Variants in ZCCHC7 observed in about 807,000 individuals in gnomAD.
The protein encoded by ZCCHC7 is zinc finger CCHC domain-containing protein 7.
ZCCHC7 carries 35 observed loss-of-function variants against 52.0 expected under a neutral mutation model. That is an observed-to-expected ratio of 0.67 (90% CI 0.51 to 0.89). The LOEUF (loss-of-function observed/expected upper bound fraction) is 0.89. Among genes scored for constraint, ZCCHC7 ranks in the 40% least tolerant of loss-of-function variants. The pLI is 0.00. For synonymous variants in ZCCHC7, 217 were observed against 221.5 expected, an observed-to-expected ratio of 0.98 and a Z score of 0.18; for missense variants, 574 against 649.1, an observed-to-expected ratio of 0.88 and a Z score of 1.26.
chr9:37,233,720 T>A (rs1267582740), intron 2 of ZCCHC7, among the ~76,000 whole-genome samples: 1 of 152,072 alleles, frequency 6.6e-6, no homozygotes, highest in Non-Finnish European at 1.5e-5. Flanking sequence ...TGGCAGAGAA[T>A]GGCACTACAT....
At chr9:37,266,827 T>C (rs1004653125) in intron 2 of ZCCHC7, among the ~76,000 whole-genome samples, 3 of 152,120 alleles carry the variant, frequency 2.0e-5, no homozygotes, top group African/African-American at 7.2e-5. Context: ...TGAGCAATGA[T>C]TGCATCACTG....
chr9:37,303,486 G>A (rs376675993), intron 3 of ZCCHC7, among the ~76,000 whole-genome samples: 10 of 151,202 alleles, frequency 6.6e-5, no homozygotes, highest in East Asian at 3.9e-4. Context: ...ATGCTACCGC[G>A]GTGTCTAAGT....
intron 2 of ZCCHC7, among the ~76,000 whole-genome samples, chr9:37,190,865 A>C (rs1216333753): frequency 6.6e-6 from 1 of 152,092 alleles, no homozygotes; most frequent in Non-Finnish European, 1.5e-5. Context: ...CTAAAAAAAA[A>C]TACCAAATTA....
intron 1 of ZCCHC7, among the ~76,000 whole-genome samples, chr9:37,124,366 T>G (rs1042615923): frequency 1.3e-5 from 2 of 151,652 alleles, no homozygotes; most frequent in Non-Finnish European, 2.9e-5. Context: ...ATCTCATAAT[T>G]TTTGTATTTT....
chr9:37,261,101 G>A (rs1826845933), intron 2 of ZCCHC7, among the ~76,000 whole-genome samples: 1 of 152,102 alleles, frequency 6.6e-6, no homozygotes, highest in East Asian at 1.9e-4. Context: ...AGTTTTGGTG[G>A]TTGTTGATAC....
intron 2 of ZCCHC7, among the ~76,000 whole-genome samples, chr9:37,249,456 C>CTTTTTTTTTTTTTCTTTTTT (rs1826218017): frequency 9.0e-6 from 1 of 111,266 alleles, no homozygotes; most frequent in African/African-American, 3.7e-5. Flanking sequence ...CTTCTTCTTC[C>CTTTTTTTTTTTTTCTTTTTT]TTTTTTTTTT....
intron 2 of ZCCHC7, among the ~76,000 whole-genome samples, chr9:37,163,213 C>G (rs1360734255): frequency 6.6e-6 from 1 of 151,172 alleles, no homozygotes; most frequent in Non-Finnish European, 1.5e-5. Flanking sequence ...AACAAACAAA[C>G]AAACAAACAA....
intron 2 of ZCCHC7, among the ~76,000 whole-genome samples, chr9:37,199,274 G>T (rs1486086724): frequency 6.7e-6 from 1 of 149,768 alleles, no homozygotes; most frequent in Non-Finnish European, 1.5e-5. Flanking sequence ...TGTCTTTGCT[G>T]TTCTGTCATT....
chr9:37,150,398 T>G (rs545650919), intron 2 of ZCCHC7, among the ~76,000 whole-genome samples: 1 of 152,244 alleles, frequency 6.6e-6, no homozygotes, highest in Non-Finnish European at 1.5e-5. Context: ...TTGGATATAT[T>G]AAATCTGAAA....
chr9:37,140,492 A>G (rs1843173296), intron 2 of ZCCHC7, among the ~76,000 whole-genome samples: 1 of 152,042 alleles, frequency 6.6e-6, no homozygotes, highest in Admixed American at 6.6e-5. Context: ...CATTCAAAAT[A>G]TTCAATTTAA....
At chr9:37,181,048 A>T (rs1382466215) in intron 2 of ZCCHC7, among the ~76,000 whole-genome samples, 3 of 152,172 alleles carry the variant, frequency 2.0e-5, no homozygotes, top group Non-Finnish European at 4.4e-5. Flanking sequence ...GTATAAGTAT[A>T]TTTGGTATGT....
chr9:37,332,219 G>C (rs942361522), intron 6 of ZCCHC7, among the ~76,000 whole-genome samples: 3 of 151,490 alleles, frequency 2.0e-5, no homozygotes, highest in Non-Finnish European at 4.4e-5. Flanking sequence ...ATACTACTGA[G>C]GTGAACGTGA....
chr9:37,293,561 C>T (rs1010077480), intron 2 of ZCCHC7, among the ~76,000 whole-genome samples: 2 of 151,560 alleles, frequency 1.3e-5, no homozygotes, highest in African/African-American at 4.8e-5. Flanking sequence ...TTCTTTTTGC[C>T]TTTTGTGGAC....
At chr9:37,211,824 C>A (rs1405827375) in intron 2 of ZCCHC7, among the ~76,000 whole-genome samples, 1 of 151,770 alleles carries the variant, frequency 6.6e-6, no homozygotes, top group Admixed American at 6.6e-5. Context: ...GTCAGGAGAT[C>A]GAGACCATCC....
At chr9:37,198,234 A>G (rs1823392340) in intron 2 of ZCCHC7, among the ~76,000 whole-genome samples, 1 of 152,166 alleles carries the variant, frequency 6.6e-6, no homozygotes, top group Non-Finnish European at 1.5e-5. Flanking sequence ...ATCCTGTGAG[A>G]TGAATAGACC....
At chr9:37,312,511 C>T (rs931083761) in intron 5 of ZCCHC7, among the ~76,000 whole-genome samples, 1 of 152,228 alleles carries the variant, frequency 6.6e-6, no homozygotes, top group South Asian at 2.1e-4. Flanking sequence ...TAGTGACTTG[C>T]AGATGATGCA....
chr9:37,319,993 A>G (rs755449030), intron 5 of ZCCHC7, among the ~76,000 whole-genome samples: 3 of 152,238 alleles, frequency 2.0e-5, no homozygotes, highest in African/African-American at 2.4e-5. Flanking sequence ...ATGTATGTAT[A>G]TGTCTTGTTG....
intron 2 of ZCCHC7, among the ~76,000 whole-genome samples, chr9:37,175,951 C>A (rs919926309): frequency 4.0e-5 from 6 of 151,896 alleles, no homozygotes; most frequent in African/African-American, 1.2e-4. Flanking sequence ...TGTTTTTTGT[C>A]TTTTATCAAA....
At chr9:37,215,288 C>T (rs1188233828) in intron 2 of ZCCHC7, among the ~76,000 whole-genome samples, 5 of 152,070 alleles carry the variant, frequency 3.3e-5, no homozygotes, top group South Asian at 2.1e-4. Context: ...TGGTAAATTC[C>T]ACTTAATGAC....
Sources: allele counts gnomAD v4.1 joint callset (sites outside exome capture counted in the v4.1 genomes callset), GRCh38; gene constraint gnomAD v4.1.1; transcripts MANE v1.5; gene names NCBI Gene and HGNC (gene_info 2026-07-23, HGNC 2026-07-21).